NCAM1: variants seen among roughly 807,000 people sequenced by gnomAD.
NCAM1 encodes neural cell adhesion molecule 1, also known as antigen recognized by monoclonal antibody 5.1H11.
In NCAM1, 14 loss-of-function variants were observed where a neutral mutation model predicts 109.8. The observed-to-expected ratio is 0.13, with a 90% CI of 0.08 to 0.20. The LOEUF (loss-of-function observed/expected upper bound fraction) is 0.20, where lower values mean the gene tolerates loss of function less well. NCAM1 is among the 10% of genes least tolerant of loss of function. NCAM1 has a pLI of 1.00. For synonymous variants in NCAM1, 418 were observed against 442.9 expected, an observed-to-expected ratio of 0.94 and a Z score of 0.70; for missense variants, 774 against 1,109.9, an observed-to-expected ratio of 0.70 and a Z score of 4.30.
intron 1 of NCAM1, among the ~76,000 whole-genome samples, chr11:113,188,347 C>A (rs1435919448): frequency 7.2e-5 from 11 of 152,156 alleles, no homozygotes; most frequent in Non-Finnish European, 1.5e-5. Context: ...CCCCAGGACT[C>A]CACATCTATC....
chr11:113,034,291 T>G (rs76496234), intron 1 of NCAM1, among the ~76,000 whole-genome samples: 29 of 152,276 alleles, frequency 1.9e-4, no homozygotes, highest in Admixed American at 8.5e-4. Flanking sequence ...TTTTTTCACT[T>G]TCACCTACCC....
intron 1 of NCAM1, among the ~76,000 whole-genome samples, chr11:113,126,732 C>A (rs1555097188): frequency 6.6e-6 from 1 of 152,186 alleles, no homozygotes; most frequent in Non-Finnish European, 1.5e-5. Context: ...CAATAGGAAT[C>A]CACTCAAGTC....
Position 113,212,190 on chromosome 11 carries a change from A to T in NCAM1, c.917-2179A>T, listed in dbSNP as rs190427627. 2.6e-5 allele frequency among the ~76,000 whole-genome samples: 4 copies of T among 152,268 alleles called. No individual in the cohort carries two copies. In the East Asian group the frequency reaches 7.7e-4, roughly 29 times the overall value. ...TCCCAATTTAGACAATAAATTATGC[A>T]TATCACTGTCTTGTTCTAAGGTGGC... On this transcript the variant is annotated intron_variant, in intron 7 of 19. Transcript: ENST00000316851.
intron 5 of NCAM1, among the ~76,000 whole-genome samples, 158 bp downstream of exon 5, chr11:113,206,338 C>CTT (rs199506206): frequency 0.013 from 1,785 of 136,212 alleles, 33 homozygotes; most frequent in South Asian, 0.065. Context: ...ATCTAGATTT[C>CTT]TTTTTTTTTT....
chr11:113,053,132 T>C (rs1953569315), intron 1 of NCAM1, among the ~76,000 whole-genome samples: 1 of 152,188 alleles, frequency 6.6e-6, no homozygotes, highest in Non-Finnish European at 1.5e-5. Context: ...TGTTCAGCTC[T>C]CACTTATGAG....
At chr11:113,240,323 TATAA>T (rs1163039870) in intron 14 of NCAM1, among the ~76,000 whole-genome samples, 14 of 152,220 alleles carry the variant, frequency 9.2e-5, no homozygotes, top group African/African-American at 3.4e-4. Flanking sequence ...TAGGTTTTGC[TATAA>T]ATAAAGTCAT....
intron 1 of NCAM1, among the ~76,000 whole-genome samples, chr11:113,107,850 C>T (rs182228965): frequency 9.1e-4 from 139 of 152,284 alleles, no homozygotes; most frequent in South Asian, 4.8e-3. Context: ...TAGTCCTCTG[C>T]AGTAATTCTA....
chr11:113,103,929 A>T (rs1940003213), intron 1 of NCAM1, among the ~76,000 whole-genome samples: 1 of 151,986 alleles, frequency 6.6e-6, no homozygotes, highest in Admixed American at 6.6e-5. Context: ...TTCTTCCAAT[A>T]ATTTAAATAT....
chr11:113,187,460 A>G (rs1474668817), intron 1 of NCAM1, among the ~76,000 whole-genome samples: 1 of 152,048 alleles, frequency 6.6e-6, no homozygotes, highest in Non-Finnish European at 1.5e-5. Flanking sequence ...TGAGTTTATC[A>G]TCACCTCTCC....
intron 1 of NCAM1, among the ~76,000 whole-genome samples, chr11:113,105,871 T>C (rs1555092450): frequency 6.6e-6 from 1 of 152,190 alleles, no homozygotes; most frequent in African/African-American, 2.4e-5. Context: ...AAGCCACTAA[T>C]CTTTAAAAGG....
intron 15 of NCAM1, among the ~76,000 whole-genome samples, chr11:113,254,023 A>G (rs553186183): frequency 6.6e-6 from 1 of 151,832 alleles, no homozygotes; most frequent in East Asian, 2.0e-4. Context: ...CTATTTGTTC[A>G]GCATTTCTGA....
chr11:112,976,001 A>G (rs1950995959), intron 1 of NCAM1, among the ~76,000 whole-genome samples: 1 of 151,952 alleles, frequency 6.6e-6, no homozygotes, highest in African/African-American at 2.4e-5. Flanking sequence ...TGATATTCAC[A>G]GTAGATACTT....
At chr11:112,968,186 A>G (rs1466852125) in intron 1 of NCAM1, among the ~76,000 whole-genome samples, 1 of 152,214 alleles carries the variant, frequency 6.6e-6, no homozygotes, top group African/African-American at 2.4e-5. Context: ...ATTGAAGTCA[A>G]AGTCATTTTT....
At chr11:113,144,565 T>C (rs1941945408) in intron 1 of NCAM1, among the ~76,000 whole-genome samples, 1 of 152,220 alleles carries the variant, frequency 6.6e-6, no homozygotes, top group Non-Finnish European at 1.5e-5. Flanking sequence ...TTAAAAGCCC[T>C]TAATTTACAG....
intron 1 of NCAM1, among the ~76,000 whole-genome samples, chr11:113,148,761 C>G (rs1272069230): frequency 6.6e-6 from 1 of 152,176 alleles, no homozygotes; most frequent in African/African-American, 2.4e-5. Context: ...GGGAATTATT[C>G]TCCCCTTTGT....
At chr11:113,036,986 C>T (rs1342094514) in intron 1 of NCAM1, among the ~76,000 whole-genome samples, 2 of 152,048 alleles carry the variant, frequency 1.3e-5, no homozygotes, top group African/African-American at 4.8e-5. Flanking sequence ...TCCATTTACC[C>T]TTTCTTCTGT....
chr11:113,039,404 A>G (rs538717779), intron 1 of NCAM1, among the ~76,000 whole-genome samples: 3 of 152,360 alleles, frequency 2.0e-5, no homozygotes, highest in South Asian at 2.1e-4. Context: ...TATTGCTCCC[A>G]GGCAGTTTGA....
chr11:113,185,068 T>TTA (rs148340673), intron 1 of NCAM1, among the ~76,000 whole-genome samples: 54,595 of 100,006 alleles, frequency 0.55, 16,157 homozygotes, highest in Admixed American at 0.65. Context: ...GCATTTATAT[T>TTA]TATATATATA....
chr11:113,072,359 A>T (rs1938311108), intron 1 of NCAM1, among the ~76,000 whole-genome samples: 1 of 152,224 alleles, frequency 6.6e-6, no homozygotes, highest in African/African-American at 2.4e-5. Flanking sequence ...TGGTAGTTTC[A>T]GATAAATGTG....
Sources: gnomAD v4.1 joint callset for allele counts (sites outside exome capture counted in the v4.1 genomes callset) on GRCh38, gnomAD v4.1.1 for gene constraint, MANE v1.5 for transcripts, NCBI Gene and HGNC (gene_info 2026-07-23, HGNC 2026-07-21) for gene names.